Variants in ADGRA3 observed in about 807,000 individuals in gnomAD.
ADGRA3 encodes adhesion G protein-coupled receptor A3, also known as G-protein coupled receptor 125.
ADGRA3 carries 56 observed loss-of-function variants against 119.8 expected under a neutral mutation model. That is an observed-to-expected ratio of 0.47 (90% CI 0.38 to 0.58). The LOEUF is 0.58. ADGRA3 is among the 20% of genes least tolerant of loss of function. The pLI is 0.00. For synonymous variants in ADGRA3, 607 were observed against 623.8 expected, an observed-to-expected ratio of 0.97 and a Z score of 0.40; for missense variants, 1,516 against 1,649.0, an observed-to-expected ratio of 0.92 and a Z score of 1.40.
chr4:22,480,274 C>T (rs13113138), intron 1 of ADGRA3, among the ~76,000 whole-genome samples: 134,574 of 152,186 alleles, frequency 0.88, 59,613 homozygotes, highest in East Asian at 0.99. Context: ...ATGAGGGAAA[C>T]ACAAATTAAA....
At chr4:22,460,296 A>G (rs547841061) in intron 3 of ADGRA3, among the ~76,000 whole-genome samples, 1 of 152,216 alleles carries the variant, frequency 6.6e-6, no homozygotes, top group Non-Finnish European at 1.5e-5. Context: ...TCATGTTGGC[A>G]TAAGGATTAT....
chr4:22,496,740 G>C (rs2109159751), intron 1 of ADGRA3, among the ~76,000 whole-genome samples: 1 of 152,302 alleles, frequency 6.6e-6, no homozygotes, highest in South Asian at 2.1e-4. Context: ...AAACGGTGAG[G>C]AACCCTGATA....
chr4:22,451,896 C>A (rs1460541685), intron 4 of ADGRA3, among the ~76,000 whole-genome samples: 3 of 152,186 alleles, frequency 2.0e-5, no homozygotes, highest in Admixed American at 1.3e-4. Flanking sequence ...TAATCATATT[C>A]TCTTTTCTAC....
rs1268301309 is a variant in ADGRA3, at chr4:22,473,759, A to C, written c.329+13T>G. The C allele has an allele frequency of 1.3e-6, 2 of 1,501,216 alleles. No homozygotes were observed. The highest frequency in any genetic ancestry group is 1.8e-6 in the Non-Finnish European group (2 of 1,089,718). 93.0% of individuals were successfully genotyped at this position (1,501,216 alleles called of 1,614,324 possible). A position where few individuals can be genotyped will look rare whatever the true frequency, so the allele number is the denominator to read the frequency against. ...ACAAAATAATAATGAGATGATAATT[A>C]AAGAATACTCACAATCTTTCAAGGA... On this transcript the variant is annotated intron_variant, in intron 2 of 18. Transcript: ENST00000334304.
intron 1 of ADGRA3, among the ~76,000 whole-genome samples, chr4:22,505,687 C>A (rs974947899): frequency 6.6e-6 from 1 of 151,562 alleles, no homozygotes; most frequent in Non-Finnish European, 1.5e-5. Context: ...CCACGGTTAT[C>A]CCCCTGCTGT....
At chr4:22,461,958 T>C (rs900092876) in intron 2 of ADGRA3, 150 bp from the exon 3 acceptor site, 6 of 461,440 alleles carry the variant, frequency 1.3e-5, no homozygotes, top group Non-Finnish European at 2.3e-5. Flanking sequence ...ATCAACCCAG[T>C]AGTAAAAGGG....
chr4:22,402,782 T>G lies in ADGRA3; in HGVS notation c.2250A>C (p.Glu750Asp), dbSNP rs181841440. The G allele has an allele frequency of 1.2e-6, 2 of 1,612,046 alleles. No homozygotes were observed. Among genetic ancestry groups the G allele is most frequent in the Non-Finnish European group, 1.7e-6 (2 of 1,179,424 alleles). Reference sequence around the variant, plus strand: ...GGAGGCTGGCCGCCTGGGTGTATAGTTCAGATCCCGTCAAATCCTGAGGGC... The same window carrying G: ...GGAGGCTGGCCGCCTGGGTGTATAGGTCAGATCCCGTCAAATCCTGAGGGC... Reference protein sequence around the residue: ...YAVLMDLTGSELYTQAASLLH... With the variant: ...YAVLMDLTGSDLYTQAASLLH... The change falls in exon 15 of 19, where the codon GAA becomes GAC. Residue 750 changes from glutamate to aspartate, a missense_variant. Around this residue, in one of 2 missense-constraint regions of ADGRA3, gnomAD observed 1,088 missense variants for 1,107.1 expected, o/e 0.98. Coordinates refer to ENST00000334304, the MANE Select transcript of ADGRA3 (RefSeq NM_145290.4).
chr4:22,502,048 C>T (rs1008895611), intron 1 of ADGRA3, among the ~76,000 whole-genome samples: 3 of 152,102 alleles, frequency 2.0e-5, no homozygotes, highest in Non-Finnish European at 4.4e-5. Flanking sequence ...CTGGATGACA[C>T]CTATTTCCAG....
At chr4:22,511,656 G>C (rs1206182973) in intron 1 of ADGRA3, among the ~76,000 whole-genome samples, 1 of 152,072 alleles carries the variant, frequency 6.6e-6, no homozygotes, top group Non-Finnish European at 1.5e-5. Flanking sequence ...CCACACCTAA[G>C]TGATAAAGGC....
intron 1 of ADGRA3, among the ~76,000 whole-genome samples, chr4:22,485,167 C>T (rs1718394623): frequency 6.6e-6 from 1 of 152,136 alleles, no homozygotes; most frequent in South Asian, 2.1e-4. Context: ...CTGAAACCTC[C>T]ACCTCCTGGG....
chr4:22,424,080 C>G, intron 11 of ADGRA3, 111 bp downstream of exon 11: 1 of 679,648 alleles, frequency 1.5e-6, no homozygotes, highest in Non-Finnish European at 2.2e-6. Flanking sequence ...TAATAATCAG[C>G]AGTAAGAGAA....
At chr4:22,506,229 T>C (rs1466440435) in intron 1 of ADGRA3, among the ~76,000 whole-genome samples, 1 of 152,002 alleles carries the variant, frequency 6.6e-6, no homozygotes, top group Non-Finnish European at 1.5e-5. Context: ...ACAGGAAAGA[T>C]CTGAGGACAA....
intron 4 of ADGRA3, among the ~76,000 whole-genome samples, chr4:22,449,320 C>A: frequency 6.6e-6 from 1 of 151,722 alleles, no homozygotes; most frequent in Non-Finnish European, 1.5e-5. Context: ...CAATTACAAT[C>A]AACAACTGTG....
chr4:22,390,325 T>C lies in ADGRA3; in HGVS notation c.2628-1142A>G, dbSNP rs1303530949. The stretch of plus-strand genomic sequence containing the variant: ...CTAGCATGCTTCTCTACTGCTTATA[T>C]ATATATATATATAAAATACATATTA... On this transcript the variant is annotated intron_variant, in intron 17 of 18. Coordinates refer to ENST00000334304, the MANE Select transcript of ADGRA3 (RefSeq NM_145290.4). 4.3e-5 allele frequency among the ~76,000 whole-genome samples: 6 copies of C among 139,424 alleles called. 1 individual carries two copies. The highest frequency in any genetic ancestry group is 1.5e-4 in the Admixed American group (2 of 13,566). The allele number at this position is 139,424 out of a possible 152,430, so 91.5% of individuals were successfully genotyped here. A position where few individuals can be genotyped will look rare whatever the true frequency, so the allele number is the denominator to read the frequency against.
At chr4:22,460,370 G>C (rs1034413692) in intron 3 of ADGRA3, among the ~76,000 whole-genome samples, 2 of 152,106 alleles carry the variant, frequency 1.3e-5, no homozygotes, top group African/African-American at 4.8e-5. Flanking sequence ...TACCCTATCT[G>C]ACTAAAAGCA....
At position 22,388,193 on chromosome 4, in the gene ADGRA3, C is replaced by T. The variant is rs199616944; in HGVS notation, c.3478G>A (p.Val1160Ile). Residue 1160 changes from valine (V) to isoleucine (I), a missense_variant, in exon 19 of 19, where the codon GTT (valine) becomes ATT (isoleucine). By Grantham distance (29) the Val-to-Ile change is conservative. This residue lies in a region of ADGRA3 where 1,088 missense variants were observed against 1,107.1 expected (regional missense o/e 0.98). Transcript: ENST00000334304. ...DIKMHVAPLE[V>I]QFRTNVHSSR... ...GAGTGCACATTTGTTCGAAACTGAA[C>T]TTCTAAAGGCGCCACGTGCATTTTA... The T allele has an allele frequency of 3.7e-6, 6 of 1,614,098 alleles. No homozygotes were observed. The highest frequency in any genetic ancestry group is 2.2e-5 in the South Asian group (2 of 91,078).
intron 18 of ADGRA3, 31 bp from the exon 19 acceptor site, chr4:22,388,978 G>A (rs749898694): frequency 6.2e-7 from 1 of 1,607,488 alleles, no homozygotes; most frequent in Non-Finnish European, 8.5e-7. Context: ...CCAGATCGAT[G>A]CTACATGTTT....
chr4:22,451,453 A>G (rs1408265115), intron 4 of ADGRA3, among the ~76,000 whole-genome samples: 1 of 152,002 alleles, frequency 6.6e-6, no homozygotes, highest in East Asian at 1.9e-4. Context: ...CAGAGTGAGA[A>G]CCTTTGCAAG....
At chr4:22,403,447 T>C (rs1714757418) in intron 14 of ADGRA3, among the ~76,000 whole-genome samples, 1 of 151,760 alleles carries the variant, frequency 6.6e-6, no homozygotes, top group Non-Finnish European at 1.5e-5. Context: ...AGCTCAAAAA[T>C]CAGTAAATGG....
Sources: allele counts gnomAD v4.1 joint callset (sites outside exome capture counted in the v4.1 genomes callset), GRCh38; gene constraint gnomAD v4.1.1; regional missense constraint gnomAD v4.1.1; transcripts MANE v1.5; gene names NCBI Gene and HGNC (gene_info 2026-07-23, HGNC 2026-07-21).